CADM2: variants seen among roughly 807,000 people sequenced by gnomAD.
The protein encoded by CADM2 is cell adhesion molecule 2, also known as immunoglobulin superfamily member 4D.
Under a neutral mutation model 49.8 loss-of-function variants are expected in CADM2, and 12 were observed. That is an observed-to-expected ratio of 0.24 (90% CI 0.15 to 0.39). The LOEUF is 0.39. Among genes scored for constraint, CADM2 ranks in the 10% least tolerant of loss-of-function variants. The pLI is 1.00. For synonymous variants in CADM2, 214 were observed against 175.4 expected, an observed-to-expected ratio of 1.22 and a Z score of -1.74; for missense variants, 378 against 492.3, an observed-to-expected ratio of 0.77 and a Z score of 2.20.
intron 1 of CADM2, among the ~76,000 whole-genome samples, chr3:85,233,993 A>G (rs1162965541): frequency 1.3e-5 from 2 of 152,092 alleles, no homozygotes; most frequent in Admixed American, 1.3e-4. Flanking sequence ...TATTTATGTC[A>G]AGCACTCTTC....
chr3:85,520,428 T>C (rs1303718172), intron 1 of CADM2, among the ~76,000 whole-genome samples: 4 of 152,040 alleles, frequency 2.6e-5, no homozygotes. Context: ...AGTCCATGTG[T>C]ACAATGCTAA....
At chr3:85,300,700 C>T (rs771636010) in intron 1 of CADM2, among the ~76,000 whole-genome samples, 5 of 152,020 alleles carry the variant, frequency 3.3e-5, no homozygotes, top group Non-Finnish European at 5.9e-5. Flanking sequence ...GCATATGGCA[C>T]GTTCATATCT....
At chr3:85,106,668 T>G (rs1408802355) in intron 1 of CADM2, among the ~76,000 whole-genome samples, 2 of 152,114 alleles carry the variant, frequency 1.3e-5, no homozygotes, top group Non-Finnish European at 2.9e-5. Flanking sequence ...AACCTAGTAT[T>G]TGGATATTAA....
At chr3:85,757,120 A>G (rs959718982) in intron 2 of CADM2, among the ~76,000 whole-genome samples, 2 of 152,134 alleles carry the variant, frequency 1.3e-5, no homozygotes, top group Non-Finnish European at 2.9e-5. Flanking sequence ...TATTAATATT[A>G]AGTAAAGGAA....
intron 1 of CADM2, among the ~76,000 whole-genome samples, chr3:85,566,344 A>G (rs768345907): frequency 6.8e-4 from 103 of 152,046 alleles, no homozygotes; most frequent in East Asian, 3.9e-4. Context: ...TTTTTTTTAC[A>G]TAGTAACTGA....
At chr3:85,540,648 T>G (rs1227621591) in intron 1 of CADM2, among the ~76,000 whole-genome samples, 2 of 152,146 alleles carry the variant, frequency 1.3e-5, no homozygotes, top group East Asian at 3.9e-4. Context: ...CATTTATCAT[T>G]TCCCTCTATT....
At chr3:86,057,033 T>C (rs1488115009) in intron 8 of CADM2, among the ~76,000 whole-genome samples, 5 of 152,210 alleles carry the variant, frequency 3.3e-5, no homozygotes, top group Non-Finnish European at 7.3e-5. Context: ...TAAAACTATG[T>C]GTAAATCACT....
chr3:85,673,492 T>TA (rs573804511), intron 1 of CADM2, among the ~76,000 whole-genome samples: 52,014 of 141,036 alleles, frequency 0.37, 9,571 homozygotes, highest in Middle Eastern at 0.42. Context: ...AGAGTGCTAT[T>TA]AAAAAAAAAA....
chr3:85,828,296 T>C (rs2108218338), intron 3 of CADM2, among the ~76,000 whole-genome samples: 1 of 152,098 alleles, frequency 6.6e-6, no homozygotes, highest in South Asian at 2.1e-4. Flanking sequence ...TTCTTTGTAC[T>C]TATATATGGC....
intron 1 of CADM2, among the ~76,000 whole-genome samples, chr3:85,443,127 G>A (rs2037288877): frequency 6.6e-6 from 1 of 152,030 alleles, no homozygotes; most frequent in Admixed American, 6.6e-5. Flanking sequence ...TGATTTCAGA[G>A]CAAGATTGAT....
chr3:85,940,994 C>G (rs1721821504), intron 7 of CADM2, among the ~76,000 whole-genome samples: 1 of 152,006 alleles, frequency 6.6e-6, no homozygotes, highest in Admixed American at 6.6e-5. Flanking sequence ...TTGTTGTAAT[C>G]AATGTACCTA....
chr3:85,911,724 A>G (rs543333275), intron 5 of CADM2, among the ~76,000 whole-genome samples: 1 of 152,264 alleles, frequency 6.6e-6, no homozygotes, highest in Admixed American at 6.5e-5. Flanking sequence ...CAGAAAATTA[A>G]GATTATGTTT....
intron 1 of CADM2, among the ~76,000 whole-genome samples, chr3:85,467,382 C>A (rs937088311): frequency 6.6e-6 from 1 of 152,124 alleles, no homozygotes; most frequent in Non-Finnish European, 1.5e-5. Flanking sequence ...TATATTGATT[C>A]TATGAAATGC....
chr3:85,931,931 T>C (rs9866543), intron 6 of CADM2, among the ~76,000 whole-genome samples: 24,267 of 151,120 alleles, frequency 0.16, 1,959 homozygotes, highest in Admixed American at 0.19. Context: ...AATTATTAAA[T>C]GGTTTAATAA....
At chr3:85,587,730 C>T (rs771089114) in intron 1 of CADM2, among the ~76,000 whole-genome samples, 8 of 151,772 alleles carry the variant, frequency 5.3e-5, no homozygotes, top group African/African-American at 1.5e-4. Context: ...TAAAATTATA[C>T]GAGTGGATTT....
chr3:86,057,836 A>G (rs1738174246), intron 8 of CADM2, among the ~76,000 whole-genome samples: 1 of 152,092 alleles, frequency 6.6e-6, no homozygotes, highest in Non-Finnish European at 1.5e-5. Flanking sequence ...TCATGATAGA[A>G]AAAAAAGGAA....
intron 1 of CADM2, among the ~76,000 whole-genome samples, chr3:85,148,760 T>G (rs1460931560): frequency 6.6e-6 from 1 of 152,208 alleles, no homozygotes; most frequent in Non-Finnish European, 1.5e-5. Flanking sequence ...ATAAGCTAGA[T>G]AAAAGAAAAT....
intron 1 of CADM2, among the ~76,000 whole-genome samples, chr3:85,117,869 A>G (rs1048399474): frequency 6.6e-6 from 1 of 152,056 alleles, no homozygotes; most frequent in Admixed American, 6.6e-5. Context: ...GAGGAGTTTT[A>G]TTTATATTTT....
At chr3:85,592,362 C>T (rs930510583) in intron 1 of CADM2, among the ~76,000 whole-genome samples, 9 of 151,866 alleles carry the variant, frequency 5.9e-5, no homozygotes, top group Non-Finnish European at 1.2e-4. Context: ...AAGAAAAATG[C>T]AATACAGTTG....
Sources: allele counts gnomAD v4.1 joint callset (sites outside exome capture counted in the v4.1 genomes callset), GRCh38; gene constraint gnomAD v4.1.1; transcripts MANE v1.5; gene names NCBI Gene and HGNC (gene_info 2026-07-23, HGNC 2026-07-21).